ATP1B3: variants seen among roughly 807,000 people sequenced by gnomAD.
The protein encoded by ATP1B3 is sodium/potassium-transporting ATPase subunit beta-3.
In ATP1B3, 10 loss-of-function variants were observed where a neutral mutation model predicts 30.2. That is an observed-to-expected ratio of 0.33 (90% CI 0.20 to 0.56). ATP1B3 has a LOEUF of 0.56. Among genes scored for constraint, ATP1B3 ranks in the 20% least tolerant of loss-of-function variants. The pLI is 0.90. For missense variants in ATP1B3, 238 were observed against 336.7 expected (o/e 0.71, Z 2.29); for synonymous variants, 113 against 117.0 (o/e 0.97, Z 0.22).
chr3:141,920,139 G>A (rs1934540726), intron 5 of ATP1B3, among the ~76,000 whole-genome samples: 1 of 152,066 alleles, frequency 6.6e-6, no homozygotes, highest in African/African-American at 2.4e-5. Context: ...GCAGTTGAGC[G>A]TCTGCCACAC....
chr3:141,898,699 G>C (rs1444933273), intron 1 of ATP1B3, among the ~76,000 whole-genome samples: 1 of 152,172 alleles, frequency 6.6e-6, no homozygotes, highest in East Asian at 1.9e-4. Context: ...CAAAAGGCTA[G>C]AGTTACCATA....
In ATP1B3 at chr3:141,889,082, A is replaced by C. The variant is rs899154757; in HGVS notation, c.109+12172A>C. On this transcript the variant is annotated intron_variant, in intron 1 of 6. Coordinates refer to ENST00000286371, the MANE Select transcript of ATP1B3 (RefSeq NM_001679.4). ...TTACATGGTGGCAGGAGAGAGAGAG[A>C]GCCAAGGGGGAAGTGCCACACACCT... is the stretch of plus-strand genomic sequence containing the variant. Among the ~76,000 whole-genome samples the C allele has an allele frequency of 1.3e-5, 2 of 151,904 alleles. 1 individual carries two copies. Among genetic ancestry groups the C allele is most frequent in the Admixed American group, 1.3e-4 (2 of 15,266 alleles).
chr3:141,903,674 C>T lies in ATP1B3; in HGVS notation c.164C>T (p.Ser55Leu). Residue 55 changes from serine (S) to leucine (L), a missense_variant, in exon 2 of 7, where the codon TCA (serine) becomes TTA (leucine). This residue lies in a region of ATP1B3 where 130 missense variants were observed against 148.8 expected (regional missense o/e 0.87). Coordinates refer to ENST00000286371, the MANE Select transcript of ATP1B3 (RefSeq NM_001679.4). ...TATGGGTTCCTGGCTGCACTCTTCT[C>T]ATTCACGATGTGGGTTATGCTTCAG... ...VFYGFLAALF[S>L]FTMWVMLQTL... The T allele has an allele frequency of 2.5e-6, 4 of 1,614,084 alleles. No individual in the cohort carries two copies. The highest frequency in any genetic ancestry group is 3.4e-6 in the Non-Finnish European group (4 of 1,179,960).
intron 2 of ATP1B3, 91 bp from the exon 3 acceptor site, chr3:141,907,076 A>G: frequency 2.3e-6 from 2 of 881,186 alleles, no homozygotes; most frequent in Non-Finnish European, 3.4e-6. Flanking sequence ...ACAATTTTCC[A>G]TGTAATTTGC....
intron 5 of ATP1B3, 76 bp downstream of exon 5, chr3:141,916,096 A>AT: frequency 4.1e-5 from 56 of 1,359,994 alleles, no homozygotes; most frequent in Non-Finnish European, 5.3e-5. Context: ...TGATTTAGTC[A>AT]TCTTTTTTTT....
chr3:141,898,955 C>T (rs529709930), intron 1 of ATP1B3, among the ~76,000 whole-genome samples: 17 of 152,080 alleles, frequency 1.1e-4, no homozygotes, highest in Non-Finnish European at 2.2e-4. Flanking sequence ...ACCTTGAAAA[C>T]ACCTTACATG....
At chr3:141,917,969 T>C (rs558224851) in intron 5 of ATP1B3, among the ~76,000 whole-genome samples, 8 of 151,764 alleles carry the variant, frequency 5.3e-5, no homozygotes, top group Non-Finnish European at 7.4e-5. Flanking sequence ...GGGGTTTCAC[T>C]ATGTTAGCCA....
intron 1 of ATP1B3, among the ~76,000 whole-genome samples, chr3:141,881,650 T>C (rs768855745): frequency 6.6e-6 from 1 of 152,228 alleles, no homozygotes; most frequent in Non-Finnish European, 1.5e-5. Flanking sequence ...GAGGTTGCAA[T>C]TTTTAAAATT....
rs1553743803 is a variant in ATP1B3, at chr3:141,889,750, AAT to A, written c.109+12846_109+12847del. Among the ~76,000 whole-genome samples the A allele has an allele frequency of 1.5e-3, 121 of 79,084 alleles. 8 individuals are homozygous for A. The highest frequency in any genetic ancestry group is 6.9e-3 in the Middle Eastern group (1 of 144). The allele number at this position is 79,084 out of a possible 152,430, so 51.9% of individuals were successfully genotyped here. ...TCTCAAAAAAAAAAAAAAAAAAAAAAATATATACACACACACACACACACACA... is the reference window on the plus strand; with the variant it reads ...TCTCAAAAAAAAAAAAAAAAAAAAAAATATACACACACACACACACACACA... On this transcript the variant is annotated intron_variant, in intron 1 of 6. Transcript: ENST00000286371.
At position 141,925,697 on chromosome 3, in the gene ATP1B3, C is replaced by T; in HGVS notation, c.836C>T (p.Ala279Val). The change falls in exon 7 of 7, where the codon GCA becomes GTA. Residue 279 changes from alanine to valine, a missense_variant. Physicochemically the swap from Ala to Val is moderately conservative, Grantham distance 64. Coordinates refer to ENST00000286371, the MANE Select transcript of ATP1B3 (RefSeq NM_001679.4). ...GTTATGTTCAAAATCACAGCACGTG[C>T]ATAGTATGAGTAGGATATCTCCACA... The part of the protein sequence containing the change: ...GRVMFKITAR[A>V] 6.2e-7 allele frequency: 1 copy of T among 1,610,212 alleles called. No individual in the cohort carries two copies. The highest frequency in any genetic ancestry group is 1.1e-5 in the South Asian group (1 of 90,498).
At chr3:141,912,904 G>A (rs758773753) in intron 3 of ATP1B3, among the ~76,000 whole-genome samples, 1 of 152,114 alleles carries the variant, frequency 6.6e-6, no homozygotes, top group Non-Finnish European at 1.5e-5. Flanking sequence ...TCACCTGGGC[G>A]GCTTTAATAG....
chr3:141,920,466 G>T (rs1265501597), intron 5 of ATP1B3, among the ~76,000 whole-genome samples: 1 of 151,888 alleles, frequency 6.6e-6, no homozygotes, highest in African/African-American at 2.4e-5. Flanking sequence ...GGAGGAGGCT[G>T]CAGTGAGCCA....
intron 3 of ATP1B3, among the ~76,000 whole-genome samples, chr3:141,909,219 G>T (rs1174796709): frequency 6.6e-6 from 1 of 152,160 alleles, no homozygotes; most frequent in Non-Finnish European, 1.5e-5. Context: ...ATTATCCGTG[G>T]TTTAATAGCT....
chr3:141,914,502 C>T (rs118141303), intron 4 of ATP1B3, among the ~76,000 whole-genome samples: 7 of 152,248 alleles, frequency 4.6e-5, no homozygotes, highest in Admixed American at 1.3e-4. Context: ...GAAGATGATA[C>T]GGCTTTTCTT....
intron 1 of ATP1B3, among the ~76,000 whole-genome samples, chr3:141,903,359 G>C (rs1030668655): frequency 6.6e-6 from 1 of 152,080 alleles, no homozygotes; most frequent in Non-Finnish European, 1.5e-5. Flanking sequence ...TTTTGAACCA[G>C]AGTATGAATG....
At chr3:141,880,835 T>C (rs980201641) in intron 1 of ATP1B3, among the ~76,000 whole-genome samples, 7 of 152,200 alleles carry the variant, frequency 4.6e-5, no homozygotes, top group African/African-American at 1.7e-4. Flanking sequence ...ATGGGTCATC[T>C]GATTTGCCAA....
intron 3 of ATP1B3, among the ~76,000 whole-genome samples, chr3:141,908,438 G>A (rs541460765): frequency 1.3e-4 from 20 of 151,976 alleles, no homozygotes; most frequent in South Asian, 6.2e-4. Context: ...CTCCCACCCC[G>A]TCTTCCCTTT....
intron 1 of ATP1B3, among the ~76,000 whole-genome samples, chr3:141,885,991 A>G (rs978403149): frequency 9.9e-5 from 15 of 151,964 alleles, no homozygotes; most frequent in African/African-American, 3.6e-4. Flanking sequence ...GTAAGATCCA[A>G]AGAATCAGTG....
rs367701851 is a variant in ATP1B3 at position 141,916,068 on chromosome 3, A to G, written c.582+48A>G. On this transcript the variant is annotated intron_variant, in intron 5 of 6. Coordinates refer to ENST00000286371, the MANE Select transcript of ATP1B3 (RefSeq NM_001679.4). ...CTGTTAAATCTTTGATGTTTCTTAAAATACTTTAAAAGTCTAATGATTTAG... is the reference window on the plus strand; with the variant it reads ...CTGTTAAATCTTTGATGTTTCTTAAGATACTTTAAAAGTCTAATGATTTAG... 59 of 1,497,954 alleles carry G rather than the reference A, an allele frequency of 3.9e-5. No homozygotes were observed. The African/African-American group carries it at 6.2e-4, about 16-fold the overall frequency. The allele number at this position is 1,497,954 out of a possible 1,614,324, so 92.8% of individuals were successfully genotyped here. A position where few individuals can be genotyped will look rare whatever the true frequency, so the allele number is the denominator to read the frequency against.
Sources: gnomAD v4.1 joint callset for allele counts (sites outside exome capture counted in the v4.1 genomes callset) on GRCh38, gnomAD v4.1.1 for gene constraint, gnomAD v4.1.1 regional missense constraint, MANE v1.5 for transcripts, NCBI Gene and HGNC (gene_info 2026-07-23, HGNC 2026-07-21) for gene names.